Variants in SHISA9 observed in about 807,000 individuals in gnomAD.
The protein encoded by SHISA9 is protein shisa-9.
SHISA9 carries 13 observed loss-of-function variants against 38.0 expected under a neutral mutation model. That is an observed-to-expected ratio of 0.34 (90% CI 0.22 to 0.54). SHISA9 has a LOEUF of 0.54. Among genes scored for constraint, SHISA9 ranks in the 20% least tolerant of loss-of-function variants. The probability of loss-of-function intolerance (pLI) is 0.91; values close to 1 mark genes in which losing one functional copy is unlikely to be tolerated. For missense variants in SHISA9, 538 were observed against 575.8 expected (o/e 0.93, Z 0.67); for synonymous variants, 275 against 242.0 (o/e 1.14, Z -1.27).
chr16:13,286,246 C>T, the SHISA9 span, among the ~76,000 whole-genome samples: 1 of 152,134 alleles, frequency 6.6e-6, no homozygotes, highest in Non-Finnish European at 1.5e-5. Context: ...GCCCCAACCA[C>T]GCTGAGCACA....
At chr16:12,965,596 A>C (rs1567354887) in intron 2 of SHISA9, among the ~76,000 whole-genome samples, 1 of 152,196 alleles carries the variant, frequency 6.6e-6, no homozygotes, top group Non-Finnish European at 1.5e-5. Context: ...CTAGCTTCCA[A>C]CGTCACTTAG....
At chr16:13,322,411 T>G in the SHISA9 span, among the ~76,000 whole-genome samples, 171 of 152,332 alleles carry the variant, frequency 1.1e-3, no homozygotes, top group African/African-American at 4.0e-3. Context: ...TCCTCTCTTA[T>G]CAGTTAATTC....
rs115026518 is a variant in SHISA9, at chr16:12,905,121, A to G, written c.563+2494A>G. Among the ~76,000 whole-genome samples, 375 of 152,276 alleles carry G rather than the reference A, an allele frequency of 2.5e-3. 1 individual carries two copies. The highest frequency in any genetic ancestry group is 8.3e-3 in the African/African-American group (345 of 41,556). On this transcript the variant is annotated intron_variant, in intron 1 of 4. Coordinates refer to ENST00000558583, the MANE Select transcript of SHISA9 (RefSeq NM_001145204.3). Reference sequence around the variant, plus strand: ...CTGAGCACTGTGCAGGGAGCCAGGCACTGTACTGGGGTGTGTGTGTGTGTG... The same window carrying G: ...CTGAGCACTGTGCAGGGAGCCAGGCGCTGTACTGGGGTGTGTGTGTGTGTG...
chr16:13,403,976 C>T, the SHISA9 span, among the ~76,000 whole-genome samples: 1 of 152,132 alleles, frequency 6.6e-6, no homozygotes, highest in Non-Finnish European at 1.5e-5. Flanking sequence ...TTTGATGTTT[C>T]TTCTCTAAAA....
the SHISA9 span, among the ~76,000 whole-genome samples, chr16:13,510,426 G>A: frequency 2.0e-5 from 3 of 152,190 alleles, no homozygotes; most frequent in Non-Finnish European, 4.4e-5. Context: ...ATCCCAAAAT[G>A]ATCTGTTTTA....
At chr16:13,186,429 C>T (rs1039995659) in intron 2 of SHISA9, among the ~76,000 whole-genome samples, 2 of 150,572 alleles carry the variant, frequency 1.3e-5, no homozygotes, top group Admixed American at 1.3e-4. Flanking sequence ...TCCTGAGTAG[C>T]TGGAATTACA....
intron 2 of SHISA9, among the ~76,000 whole-genome samples, chr16:13,176,705 T>G (rs1260556336): frequency 6.6e-6 from 1 of 152,146 alleles, no homozygotes; most frequent in African/African-American, 2.4e-5. Flanking sequence ...CTGTTTTTTT[T>G]TTCCCCAAGA....
At chr16:13,297,672 G>C in the SHISA9 span, among the ~76,000 whole-genome samples, 1 of 152,224 alleles carries the variant, frequency 6.6e-6, no homozygotes. Context: ...TTGGCGTTGA[G>C]CTTCTTGACA....
chr16:13,203,330 T>C (rs939296432), intron 2 of SHISA9, 64 bp from the exon 3 acceptor site: 1 of 1,386,380 alleles, frequency 7.2e-7, no homozygotes, highest in African/African-American at 1.5e-5. Flanking sequence ...GATGTGGTGA[T>C]GGGAGGGAAG....
chr16:13,458,993 A>G, the SHISA9 span, among the ~76,000 whole-genome samples: 2 of 151,338 alleles, frequency 1.3e-5, no homozygotes, highest in Non-Finnish European at 2.9e-5. Context: ...TCGGCCTCCC[A>G]AGGCATGCAC....
chr16:13,317,642 C>T, the SHISA9 span, among the ~76,000 whole-genome samples: 1 of 152,122 alleles, frequency 6.6e-6, no homozygotes, highest in South Asian at 2.1e-4. Context: ...GTCCCTGCCT[C>T]TGTAGAATGG....
chr16:13,540,474 C>T, the SHISA9 span, among the ~76,000 whole-genome samples: 1 of 152,196 alleles, frequency 6.6e-6, no homozygotes, highest in Admixed American at 6.5e-5. Context: ...AGGGCCTACA[C>T]TGTTTCTCAG....
At chr16:13,540,559 C>T in the SHISA9 span, among the ~76,000 whole-genome samples, 21 of 152,234 alleles carry the variant, frequency 1.4e-4, no homozygotes, top group African/African-American at 4.8e-4. Context: ...TTATTTCTAC[C>T]TCCTCTTTAT....
At chr16:13,222,326 A>G (rs1321447005) in intron 4 of SHISA9, among the ~76,000 whole-genome samples, 1 of 152,032 alleles carries the variant, frequency 6.6e-6, no homozygotes, top group Non-Finnish European at 1.5e-5. Flanking sequence ...CCGAGTGGTC[A>G]CTCCAGGACC....
At chr16:13,285,542 A>G in the SHISA9 span, among the ~76,000 whole-genome samples, 1 of 146,074 alleles carries the variant, frequency 6.8e-6, no homozygotes. Flanking sequence ...ATGTGGGTGG[A>G]AGATTTTCAG....
intron 2 of SHISA9, among the ~76,000 whole-genome samples, chr16:12,995,255 T>C (rs1361985025): frequency 6.6e-6 from 1 of 152,132 alleles, no homozygotes; most frequent in African/African-American, 2.4e-5. Flanking sequence ...TTTTAATTAG[T>C]TTTAAAAGTA....
At chr16:13,222,995 C>G (rs764151560) in intron 4 of SHISA9, among the ~76,000 whole-genome samples, 3 of 152,178 alleles carry the variant, frequency 2.0e-5, no homozygotes, top group Non-Finnish European at 4.4e-5. Context: ...CTTCAATACT[C>G]TCCATCCCCA....
At chr16:13,363,363 C>G in the SHISA9 span, among the ~76,000 whole-genome samples, 2 of 152,178 alleles carry the variant, frequency 1.3e-5, no homozygotes. Flanking sequence ...AGGTGCTTGG[C>G]ACAATGACCG....
intron 2 of SHISA9, among the ~76,000 whole-genome samples, chr16:12,941,863 TAAAC>T (rs948132688): frequency 8.5e-5 from 13 of 152,158 alleles, no homozygotes; most frequent in Admixed American, 2.0e-4. Flanking sequence ...AAAAATTAAA[TAAAC>T]AAATAAGTCA....
Sources: allele counts gnomAD v4.1 joint callset (sites outside exome capture counted in the v4.1 genomes callset), GRCh38; gene constraint gnomAD v4.1.1; transcripts MANE v1.5; gene names NCBI Gene and HGNC (gene_info 2026-07-23, HGNC 2026-07-21).